RBFOX1: variants seen among roughly 807,000 people sequenced by gnomAD.
RBFOX1 encodes the protein RNA binding protein fox-1 homolog 1.
A neutral mutation model predicts 57.7 loss-of-function variants in RBFOX1; 8 were observed. That is an observed-to-expected ratio of 0.14 (90% confidence interval 0.08 to 0.25). The LOEUF (loss-of-function observed/expected upper bound fraction) is 0.25, where lower values mean the gene tolerates loss of function less well. Among genes scored for constraint, RBFOX1 ranks in the 10% least tolerant of loss-of-function variants. The pLI, the probability that RBFOX1 is intolerant of heterozygous loss-of-function variation, is 1.00. For missense variants in RBFOX1, 611 were observed against 548.5 expected, an observed-to-expected ratio of 1.11 and a Z score of -1.14; for synonymous variants, 326 against 222.4, an observed-to-expected ratio of 1.47 and a Z score of -4.15.
At chr16:6,474,627 GT>G (rs2095244739) in intron 2 of RBFOX1, among the ~76,000 whole-genome samples, 1 of 152,138 alleles carries the variant, frequency 6.6e-6, no homozygotes, top group Admixed American at 6.5e-5. Flanking sequence ...GGTGCCCCAA[GT>G]GGGGCAGGTG....
chr16:5,496,590 C>G (rs1315887168), intron 2 of RBFOX1, among the ~76,000 whole-genome samples: 2 of 152,158 alleles, frequency 1.3e-5, no homozygotes, highest in East Asian at 3.9e-4. Context: ...TTCTCTCTCT[C>G]TTAGTCACAG....
At chr16:5,749,161 T>C (rs1324900177) in intron 3 of RBFOX1, among the ~76,000 whole-genome samples, 1 of 152,174 alleles carries the variant, frequency 6.6e-6, no homozygotes, top group Admixed American at 6.5e-5. Context: ...AAGTTCTGGG[T>C]TGAAAATTCT....
At chr16:6,783,828 C>G (rs899109009) in intron 3 of RBFOX1, among the ~76,000 whole-genome samples, 4 of 152,202 alleles carry the variant, frequency 2.6e-5, no homozygotes, top group East Asian at 3.9e-4. Context: ...TAAGACAGAT[C>G]TAGTGTTGAT....
chr16:5,435,881 C>T (rs982382067), intron 1 of RBFOX1, among the ~76,000 whole-genome samples: 4 of 152,222 alleles, frequency 2.6e-5, no homozygotes, highest in African/African-American at 4.8e-5. Flanking sequence ...CTGTTATTTT[C>T]GACTATCAAC....
chr16:7,319,696 C>T (rs571704721), intron 4 of RBFOX1, among the ~76,000 whole-genome samples: 1 of 152,242 alleles, frequency 6.6e-6, no homozygotes, highest in South Asian at 2.1e-4. Flanking sequence ...TCCAGGGTTC[C>T]TTACTTAGCA....
At chr16:7,605,720 A>G (rs1202471955) in intron 9 of RBFOX1, among the ~76,000 whole-genome samples, 3 of 152,172 alleles carry the variant, frequency 2.0e-5, no homozygotes, top group Non-Finnish European at 4.4e-5. Flanking sequence ...CTTCCTTCAC[A>G]TTCAAACTTT....
At chr16:7,665,726 G>C (rs1248892404) in intron 13 of RBFOX1, among the ~76,000 whole-genome samples, 1 of 152,076 alleles carries the variant, frequency 6.6e-6, no homozygotes, top group Admixed American at 6.6e-5. Context: ...TGAATAAGTA[G>C]GCAGTGTTGG....
intron 3 of RBFOX1, among the ~76,000 whole-genome samples, chr16:6,846,879 A>T (rs535380780): frequency 6.6e-6 from 1 of 151,976 alleles, no homozygotes; most frequent in Non-Finnish European, 1.5e-5. Context: ...CCTGGAAGAA[A>T]ATTACAAAGG....
chr16:6,467,137 T>C (rs2095067809), intron 2 of RBFOX1, among the ~76,000 whole-genome samples: 1 of 151,010 alleles, frequency 6.6e-6, no homozygotes, highest in Admixed American at 6.6e-5. Context: ...TAGTGTAATA[T>C]AATAAAGTTT....
intron 1 of RBFOX1, among the ~76,000 whole-genome samples, chr16:6,223,578 T>A (rs1486594036): frequency 2.0e-5 from 3 of 152,196 alleles, no homozygotes; most frequent in African/African-American, 4.8e-5. Context: ...TTTGTTTGAG[T>A]TCATTGTAGA....
intron 1 of RBFOX1, among the ~76,000 whole-genome samples, chr16:5,248,638 G>A (rs1434597521): frequency 6.6e-6 from 1 of 152,112 alleles, no homozygotes; most frequent in Non-Finnish European, 1.5e-5. Context: ...CTCTGAAAGG[G>A]GGTGCAGGGT....
chr16:5,501,095 C>T (rs183304605), intron 2 of RBFOX1, among the ~76,000 whole-genome samples: 103 of 152,192 alleles, frequency 6.8e-4, no homozygotes, highest in African/African-American at 2.4e-3. Flanking sequence ...GTGGGCGGGT[C>T]ACCTGAGGTC....
chr16:7,250,368 T>A (rs1409152188), intron 4 of RBFOX1, among the ~76,000 whole-genome samples: 1 of 152,222 alleles, frequency 6.6e-6, no homozygotes, highest in Admixed American at 6.5e-5. Context: ...ACACAATGAT[T>A]AAATGCTTTA....
At chr16:6,504,920 A>AT (rs1302545557) in intron 2 of RBFOX1, among the ~76,000 whole-genome samples, 4 of 151,716 alleles carry the variant, frequency 2.6e-5, no homozygotes, top group East Asian at 3.9e-4. Context: ...AAATTTTGTA[A>AT]TTTTTTAACT....
At chr16:6,769,227 C>A (rs1199450638) in intron 3 of RBFOX1, among the ~76,000 whole-genome samples, 1 of 152,126 alleles carries the variant, frequency 6.6e-6, no homozygotes, top group Non-Finnish European at 1.5e-5. Flanking sequence ...AATTTCCCTG[C>A]ACAAGTTCTT....
chr16:5,249,906 G>A (rs1331330602), intron 1 of RBFOX1, among the ~76,000 whole-genome samples: 1 of 151,974 alleles, frequency 6.6e-6, no homozygotes, highest in Non-Finnish European at 1.5e-5. Context: ...TTGCAGTGAG[G>A]AGGAGGTTGC....
intron 4 of RBFOX1, among the ~76,000 whole-genome samples, chr16:5,876,858 C>T (rs1467676693): frequency 6.6e-6 from 1 of 152,134 alleles, no homozygotes; most frequent in East Asian, 1.9e-4. Flanking sequence ...AAGGATTCAC[C>T]ATGTTTTATC....
At chr16:5,917,447 G>C (rs1357951495) in intron 4 of RBFOX1, among the ~76,000 whole-genome samples, 3 of 152,180 alleles carry the variant, frequency 2.0e-5, no homozygotes, top group African/African-American at 7.2e-5. Flanking sequence ...AGGTTGAGAC[G>C]TTAAGTAATT....
At position 6,206,043 on chromosome 16, in the gene RBFOX1, T is replaced by G. The variant is rs941450178; in HGVS notation, c.-126-110952T>G. 3.3e-5 allele frequency among the ~76,000 whole-genome samples: 5 copies of G among 152,148 alleles called. No individual in the cohort carries two copies. The South Asian group carries it at 1.0e-3, about 32-fold the overall frequency. On this transcript the variant is annotated intron_variant, in intron 1 of 15. Transcript: ENST00000550418. Reference sequence around the variant, plus strand: ...GATAGCCAGCCACTATTTTCTTTAATGTGCAAACTGAAGATGAGGCTGAAA... The same window carrying G: ...GATAGCCAGCCACTATTTTCTTTAAGGTGCAAACTGAAGATGAGGCTGAAA...
Sources: gnomAD v4.1 joint callset for allele counts (sites outside exome capture counted in the v4.1 genomes callset) on GRCh38, gnomAD v4.1.1 for gene constraint, MANE v1.5 for transcripts, NCBI Gene and HGNC (gene_info 2026-07-23, HGNC 2026-07-21) for gene names.